Variants in MEI1 observed in about 807,000 individuals in gnomAD.
The protein encoded by MEI1 is meiosis inhibitor protein 1.
MEI1 carries 103 observed loss-of-function variants against 146.2 expected under a neutral mutation model. The observed-to-expected ratio is 0.70, with a 90% CI of 0.60 to 0.83. MEI1 has a LOEUF of 0.83. Among genes scored for constraint, MEI1 ranks in the 40% least tolerant of loss-of-function variants. The pLI, the probability that MEI1 is intolerant of heterozygous loss-of-function variation, is 0.00. For synonymous variants in MEI1, 652 were observed against 628.2 expected (o/e 1.04, Z -0.57); for missense variants, 1,529 against 1,533.0 (o/e 1.00, Z 0.04).
At chr22:41,787,142 T>G (rs985102232) in intron 26 of MEI1, among the ~76,000 whole-genome samples, 11 of 152,248 alleles carry the variant, frequency 7.2e-5, no homozygotes, top group Non-Finnish European at 4.4e-5. Context: ...GGGCAGAGTC[T>G]GGGTCTGGTT....
intron 2 of MEI1, among the ~76,000 whole-genome samples, chr22:41,704,297 C>T (rs2068917950): frequency 1.3e-5 from 2 of 152,102 alleles, no homozygotes; most frequent in African/African-American, 4.8e-5. Context: ...GGATGATCTC[C>T]AAGCTTCAGG....
Position 41,778,808 on chromosome 22 carries a change from C to G in MEI1, c.2811C>G (p.His937Gln). The change falls in exon 22 of 31, where the codon CAC becomes CAG. Residue 937 changes from histidine (H) to glutamine (Q), a missense_variant. Coordinates refer to ENST00000401548, the MANE Select transcript of MEI1 (RefSeq NM_152513.4). ...ELDSVAMKLL[H>Q]QVSKLCGKCS... ...ACAGCGTGGCCATGAAGCTCCTTCA[C>G]CAAGGTGCCCTGGCTGCTTGGGATA... is the stretch of plus-strand genomic sequence containing the variant. 6.2e-7 allele frequency: 1 copy of G among 1,600,226 alleles called. No homozygotes were observed. Among genetic ancestry groups the G allele is most frequent in the South Asian group, 1.1e-5 (1 of 88,410 alleles).
chr22:41,751,423 C>T (rs974311694), intron 15 of MEI1, among the ~76,000 whole-genome samples: 1 of 151,830 alleles, frequency 6.6e-6, no homozygotes, highest in Admixed American at 6.6e-5. Flanking sequence ...TGACTGAAAG[C>T]CTTACTGGGG....
At chr22:41,719,393 C>T (rs2070531772) in intron 6 of MEI1, among the ~76,000 whole-genome samples, 1 of 152,124 alleles carries the variant, frequency 6.6e-6, no homozygotes, top group Non-Finnish European at 1.5e-5. Flanking sequence ...CACCATGTTG[C>T]CCAGGCTGGT....
intron 7 of MEI1, 79 bp downstream of exon 7, chr22:41,724,152 C>G (rs2071110059): frequency 6.6e-7 from 1 of 1,518,782 alleles, no homozygotes; most frequent in Admixed American, 1.9e-5. Flanking sequence ...TCTTCATCTA[C>G]CACTCCTATC....
rs201744413 is a variant in MEI1 at position 41,743,151 on chromosome 22, G to A, written c.1403G>A (p.Arg468Gln). ...LQALLEAMLN[R>Q]CAEFSQTLLS... ...GCTTTGCTAGAAGCCATGCTAAACC[G>A]ATGTGCGGAGTTTTCCCAGACCTTG... The change falls in exon 12 of 31, where the codon CGA (arginine) becomes CAA (glutamine). Residue 468 changes from arginine to glutamine, a missense_variant. Transcript: ENST00000401548. 127 of 1,613,110 alleles carry A rather than the reference G, an allele frequency of 7.9e-5. No individual in the cohort carries two copies. The highest frequency in any genetic ancestry group is 2.0e-4 in the Admixed American group (12 of 59,976).
intron 26 of MEI1, among the ~76,000 whole-genome samples, chr22:41,790,791 C>T (rs568013232): frequency 1.1e-3 from 166 of 152,192 alleles, no homozygotes; most frequent in Non-Finnish European, 1.6e-3. Context: ...CAAGGTTTCA[C>T]CATATTGGCC....
At chr22:41,722,633 T>A (rs2070967991) in intron 6 of MEI1, among the ~76,000 whole-genome samples, 1 of 151,816 alleles carries the variant, frequency 6.6e-6, no homozygotes, top group African/African-American at 2.4e-5. Flanking sequence ...CACACCATAC[T>A]CTCCTGCCTT....
intron 19 of MEI1, among the ~76,000 whole-genome samples, chr22:41,764,460 T>C (rs1349423794): frequency 6.6e-6 from 1 of 152,208 alleles, no homozygotes; most frequent in Non-Finnish European, 1.5e-5. Context: ...CCACTATGCC[T>C]TTCTGTTTCC....
intron 20 of MEI1, among the ~76,000 whole-genome samples, chr22:41,774,823 G>T (rs2148084196): frequency 6.6e-6 from 1 of 152,310 alleles, no homozygotes; most frequent in African/African-American, 2.4e-5. Flanking sequence ...GGCCCTGAGT[G>T]GTTGTTATTG....
intron 3 of MEI1, among the ~76,000 whole-genome samples, chr22:41,710,040 G>C (rs1350701713): frequency 6.6e-6 from 1 of 151,954 alleles, no homozygotes; most frequent in Non-Finnish European, 1.5e-5. Context: ...AGTGTCTTTG[G>C]GGATAGGGCC....
intron 18 of MEI1, 105 bp from the exon 19 acceptor site, chr22:41,763,069 T>C (rs737749): frequency 0.81 from 1,038,764 of 1,277,194 alleles, 426,568 homozygotes; most frequent in African/African-American, 0.96. Flanking sequence ...TGTGGGCATA[T>C]TGGGGCAGGA....
chr22:41,779,085 GT>G (rs1569310874), intron 22 of MEI1, among the ~76,000 whole-genome samples: 1 of 152,068 alleles, frequency 6.6e-6, no homozygotes, highest in Non-Finnish European at 1.5e-5. Flanking sequence ...AGCACTTTGG[GT>G]GTTTGAGGCC....
Position 41,784,331 on chromosome 22 carries a change from C to A in MEI1, c.3088-8C>A. The A allele has an allele frequency of 6.2e-7, 1 of 1,613,228 alleles. No homozygotes were observed. The highest frequency in any genetic ancestry group is 1.1e-5 in the South Asian group (1 of 91,064). ...TGGGGGTTAGCCCTTTACCCTGTGCCCTGCCAGGTTCACCAGACACTCTCT... is the reference window on the plus strand; with the variant it reads ...TGGGGGTTAGCCCTTTACCCTGTGCACTGCCAGGTTCACCAGACACTCTCT... On this transcript the variant is annotated splice_polypyrimidine_tract_variant and splice_region_variant and intron_variant, in intron 24 of 30. Coordinates refer to ENST00000401548, the MANE Select transcript of MEI1 (RefSeq NM_152513.4).
chr22:41,729,915 C>G (rs2071707914), intron 8 of MEI1, 136 bp downstream of exon 8: 4 of 592,222 alleles, frequency 6.8e-6, no homozygotes, highest in Non-Finnish European at 1.1e-5. Context: ...CTTGTATGAC[C>G]TTGAGCAATT....
At position 41,730,766 on chromosome 22, in the gene MEI1, C is replaced by T. The variant is rs982867963; in HGVS notation, c.1096+129C>T. On this transcript the variant is annotated intron_variant, in intron 9 of 30. Transcript: ENST00000401548. ...GCACTGAGTCTAGACATTTCATCAG[C>T]CCAAACTCATTACCAGATTTCATAT... 11 of 618,770 alleles carry T rather than the reference C, an allele frequency of 1.8e-5. 1 individual carries two copies. The highest frequency in any genetic ancestry group is 4.3e-4 in the Middle Eastern group (1 of 2,318). The allele number at this position is 618,770 out of a possible 1,614,324, so 38.3% of individuals were successfully genotyped here.
chr22:41,753,202 G>A (rs976187369), intron 16 of MEI1, among the ~76,000 whole-genome samples: 4 of 152,016 alleles, frequency 2.6e-5, no homozygotes, highest in African/African-American at 9.7e-5. Flanking sequence ...GTTTTTAGTA[G>A]AGATGGCCAG....
At chr22:41,748,327 T>G (rs2073483705) in intron 15 of MEI1, 109 bp downstream of exon 15, 1 of 735,628 alleles carries the variant, frequency 1.4e-6, no homozygotes, top group Admixed American at 2.1e-5. Flanking sequence ...ACTAATTCAT[T>G]CAGAATCTGT....
At chr22:41,720,375 G>A (rs1173729127) in intron 6 of MEI1, among the ~76,000 whole-genome samples, 1 of 152,156 alleles carries the variant, frequency 6.6e-6, no homozygotes, top group Non-Finnish European at 1.5e-5. Context: ...AACCACAGCA[G>A]AGGGAAATCT....
Sources: allele counts gnomAD v4.1 joint callset (sites outside exome capture counted in the v4.1 genomes callset), GRCh38; gene constraint gnomAD v4.1.1; transcripts MANE v1.5; gene names NCBI Gene and HGNC (gene_info 2026-07-23, HGNC 2026-07-21).